METTL8: variants seen among roughly 807,000 people sequenced by gnomAD.
METTL8 encodes methyltransferase 8, tRNA N3-cytidine, also known as tRNA N(3)-cytidine methyltransferase METTL8, mitochondrial.
Under a neutral mutation model 48.7 loss-of-function variants are expected in METTL8, and 32 were observed. That is an observed-to-expected ratio of 0.66 (90% CI 0.50 to 0.88). The LOEUF (loss-of-function observed/expected upper bound fraction) is 0.88, where lower values mean the gene tolerates loss of function less well. METTL8 is among the 40% of genes least tolerant of loss of function. The pLI, the probability that METTL8 is intolerant of heterozygous loss-of-function variation, is 0.00. For synonymous variants in METTL8, 136 were observed against 157.1 expected (o/e 0.87, Z 1.01); for missense variants, 464 against 474.4 (o/e 0.98, Z 0.20).
At chr2:171,397,565 A>T (rs1392838257) in intron 1 of METTL8, among the ~76,000 whole-genome samples, 1 of 149,910 alleles carries the variant, frequency 6.7e-6, no homozygotes, top group Non-Finnish European at 1.5e-5. Context: ...AAAAAAAAAA[A>T]AAAAAAAAAA....
chr2:171,326,187 G>A, intron 7 of METTL8, 39 bp from the exon 8 acceptor site: 1 of 1,138,610 alleles, frequency 8.8e-7, no homozygotes, highest in African/African-American at 1.6e-5. Context: ...CCAGTTTGTA[G>A]AAATCTTGTT....
intron 2 of METTL8, among the ~76,000 whole-genome samples, chr2:171,360,961 TAC>T (rs1246992258): frequency 2.2e-4 from 34 of 152,386 alleles, no homozygotes; most frequent in Admixed American, 2.1e-3. Context: ...AAATGTTTTG[TAC>T]TTAGCCTGCA....
intron 3 of METTL8, among the ~76,000 whole-genome samples, chr2:171,344,491 T>A (rs1424599724): frequency 6.6e-6 from 1 of 152,214 alleles, no homozygotes; most frequent in African/African-American, 2.4e-5. Flanking sequence ...AACCTCAGTG[T>A]GGCTTACAAT....
intron 1 of METTL8, among the ~76,000 whole-genome samples, chr2:171,394,464 A>G (rs1688869836): frequency 6.6e-6 from 1 of 152,208 alleles, no homozygotes; most frequent in Non-Finnish European, 1.5e-5. Flanking sequence ...ACAAAAAGAT[A>G]CAACCAGATT....
At chr2:171,418,333 T>C (rs954143717) in intron 1 of METTL8, among the ~76,000 whole-genome samples, 2 of 152,198 alleles carry the variant, frequency 1.3e-5, no homozygotes, top group African/African-American at 2.4e-5. Context: ...TGAGGTATAC[T>C]AGTCGGGGTT....
At position 171,321,874 on chromosome 2, in the gene METTL8, A is replaced by G. The variant is rs1684536341; in HGVS notation, c.*2298T>C. The G allele has an allele frequency of 6.6e-6, 1 of 152,320 alleles. No individual in the cohort carries two copies. Among genetic ancestry groups the G allele is most frequent in the East Asian group, 1.9e-4 (1 of 5,192 alleles). 9.4% of individuals were successfully genotyped at this position (152,320 alleles called of 1,614,324 possible). On this transcript the variant is annotated 3_prime_UTR_variant, in exon 10 of 10. Transcript: ENST00000375258. ...AGTAGTCAATAAATATTATGTAATG[A>G]GTATGAGACTAATCTTAAAAACTTC...
chr2:171,389,129 AG>A (rs1688344307), intron 2 of METTL8, among the ~76,000 whole-genome samples: 1 of 152,220 alleles, frequency 6.6e-6, no homozygotes, highest in African/African-American at 2.4e-5. Flanking sequence ...AAGCTTAGTG[AG>A]GAAGGCCTTT....
At chr2:171,419,790 T>A (rs898489878) in intron 1 of METTL8, among the ~76,000 whole-genome samples, 4 of 152,146 alleles carry the variant, frequency 2.6e-5, no homozygotes, top group African/African-American at 9.7e-5. Context: ...CACTCTGTGC[T>A]GTACATAACA....
intron 2 of METTL8, among the ~76,000 whole-genome samples, chr2:171,374,745 G>T (rs371774243): frequency 2.7e-5 from 4 of 146,896 alleles, no homozygotes; most frequent in African/African-American, 7.5e-5. Flanking sequence ...TACAGTAAAA[G>T]AAAGTATTGT....
In METTL8 at chr2:171,339,421, C is replaced by T; in HGVS notation, c.369G>A (p.Glu123=). 6.2e-7 allele frequency: 1 copy of T among 1,613,668 alleles called. No homozygotes were observed. The change falls in exon 4 of 10, where the codon GAG becomes GAA. Residue 123 remains glutamate (E), a synonymous_variant. Transcript: ENST00000375258. ...EILPVDQKPE[E]KARESSWDHV... ...GATCCCATGATGATTCTCTCGCCTT[C>T]TCTTCAGGTTTTTGATCAACTGGAA...
chr2:171,325,105 GA>G (rs1370993203), intron 9 of METTL8, among the ~76,000 whole-genome samples: 2 of 135,086 alleles, frequency 1.5e-5, no homozygotes, highest in Admixed American at 1.6e-4. Context: ...CTAGGCAACA[GA>G]GTGAGACTCT....
intron 3 of METTL8, among the ~76,000 whole-genome samples, chr2:171,356,581 C>A (rs13003130): frequency 0.21 from 32,156 of 151,782 alleles, 3,660 homozygotes; most frequent in Non-Finnish European, 0.25. Context: ...CCCTTCCTGG[C>A]CCCTGGTAAT....
chr2:171,365,007 C>A (rs771453254), intron 2 of METTL8, among the ~76,000 whole-genome samples: 2 of 152,106 alleles, frequency 1.3e-5, no homozygotes, highest in Non-Finnish European at 2.9e-5. Flanking sequence ...AAAACGATTT[C>A]AATAATTCTT....
chr2:171,401,448 AG>A (rs1327031792), intron 1 of METTL8, among the ~76,000 whole-genome samples: 1 of 152,168 alleles, frequency 6.6e-6, no homozygotes, highest in Non-Finnish European at 1.5e-5. Context: ...AATTACAGTA[AG>A]TATTTGCAGA....
At chr2:171,432,373 C>T (rs1693146972) in intron 1 of METTL8, among the ~76,000 whole-genome samples, 1 of 152,130 alleles carries the variant, frequency 6.6e-6, no homozygotes, top group South Asian at 2.1e-4. Context: ...GGGTGAGGAA[C>T]AGCAAGGCAT....
chr2:171,414,095 A>G (rs1423011048), intron 1 of METTL8, among the ~76,000 whole-genome samples: 1 of 152,184 alleles, frequency 6.6e-6, no homozygotes, highest in South Asian at 2.1e-4. Flanking sequence ...TTGTACATGC[A>G]TAGAAAGGAA....
intron 1 of METTL8, among the ~76,000 whole-genome samples, chr2:171,425,977 T>G (rs1353915011): frequency 6.6e-6 from 1 of 152,070 alleles, no homozygotes; most frequent in Non-Finnish European, 1.5e-5. Context: ...GCCAACATAG[T>G]GAAATCTCAT....
chr2:171,326,184 G>GCATCCTTTGGAAACAAAGTAT, intron 7 of METTL8, 36 bp from the exon 8 acceptor site: 1 of 1,157,164 alleles, frequency 8.6e-7, no homozygotes, highest in African/African-American at 1.6e-5. Flanking sequence ...TACCCAGTTT[G>GCATCCTTTGGAAACAAAGTAT]TAGAAATCTT....
At chr2:171,350,410 C>G (rs1253072011) in intron 3 of METTL8, among the ~76,000 whole-genome samples, 1 of 152,132 alleles carries the variant, frequency 6.6e-6, no homozygotes, top group Non-Finnish European at 1.5e-5. Flanking sequence ...GTGAATAGTG[C>G]CACAATAAAC....
Sources: gnomAD v4.1 joint callset for allele counts (sites outside exome capture counted in the v4.1 genomes callset) on GRCh38, gnomAD v4.1.1 for gene constraint, MANE v1.5 for transcripts, NCBI Gene and HGNC (gene_info 2026-07-23, HGNC 2026-07-21) for gene names.